MUC5AC: variants seen among roughly 807,000 people sequenced by gnomAD.
MUC5AC encodes mucin-5AC.
In MUC5AC, 158 loss-of-function variants were observed where a neutral mutation model predicts 169.7. The ratio of observed to expected loss-of-function variants is 0.93; its 90% CI spans 0.82 to 1.06. MUC5AC has a LOEUF of 1.06. Among genes scored for constraint, MUC5AC ranks in the 50% least tolerant of loss-of-function variants. The pLI is 0.00. For synonymous variants in MUC5AC, 1,975 were observed against 1,237.0 expected, an observed-to-expected ratio of 1.60 and a Z score of -12.52; for missense variants, 4,359 against 3,089.9, an observed-to-expected ratio of 1.41 and a Z score of -9.74.
intron 24 of MUC5AC, among the ~76,000 whole-genome samples, chr11:1,177,941 T>A (rs1860726486): frequency 6.6e-6 from 1 of 152,208 alleles, no homozygotes. Flanking sequence ...GGGGGGCTCC[T>A]TTTGGCCCCT....
At chr11:1,168,620 C>T (rs1224972771) in intron 13 of MUC5AC, 22 bp from the exon 14 acceptor site, 2 of 1,610,952 alleles carry the variant, frequency 1.2e-6, no homozygotes, top group African/African-American at 2.7e-5. Flanking sequence ...CCCAGCAAAA[C>T]CCTTGTCCTT....
At chr11:1,192,751 AC>A (rs1349367581) in intron 31 of MUC5AC, 31 bp from the exon 32 acceptor site, 1 of 740,598 alleles carries the variant, frequency 1.4e-6, no homozygotes, top group Non-Finnish European at 2.5e-6. Flanking sequence ...GCAGGACTCC[AC>A]TAAAGGCTGC....
chr11:1,185,675 T>C lies in MUC5AC; in HGVS notation c.7530T>C (p.Ser2510=). The change falls in exon 31 of 49, where the codon TCT becomes TCC. Residue 2510 remains serine (S), a synonymous_variant. Coordinates refer to ENST00000621226, the MANE Select transcript of MUC5AC (RefSeq NM_001304359.2). ...CTTCTCCTACAACCAGCACAACCTC[T>C]GCTCCTACAACCAGCACAACCTCTG... ...TTSSPTTSTT[S]APTTSTTSAS... The C allele has an allele frequency of 1.3e-6, 1 of 741,130 alleles. No individual in the cohort carries two copies. The highest frequency in any genetic ancestry group is 2.5e-6 in the Non-Finnish European group (1 of 406,104). 45.9% of individuals were successfully genotyped at this position (741,130 alleles called of 1,614,324 possible).
chr11:1,170,270 C>T (rs1373425388), intron 15 of MUC5AC, among the ~76,000 whole-genome samples: 1 of 125,740 alleles, frequency 8.0e-6, no homozygotes, highest in African/African-American at 3.1e-5. Flanking sequence ...CACTCACCCA[C>T]TCACCCACTC....
chr11:1,171,948 C>A (rs1303290612), intron 15 of MUC5AC, among the ~76,000 whole-genome samples: 1 of 116,026 alleles, frequency 8.6e-6, no homozygotes, highest in Non-Finnish European at 2.1e-5. Context: ...CTCATTCACT[C>A]ACTCACTCAC....
At position 1,194,660 on chromosome 11, in the gene MUC5AC, G is replaced by A. The variant is rs745597325; in HGVS notation, c.15180G>A (p.Glu5060=). ...TCAGCAAGTTTGCCAACAACACCGA[G>A]GGCCAGTGCGGTGAGGCCACAGGGC... ...VPFSKFANNT[E]GQCGTCTNDR... is the part of the protein sequence containing the mutation. The change falls in exon 35 of 49, where the codon GAG becomes GAA. Residue 5060 remains glutamate (E), a synonymous_variant. Coordinates refer to ENST00000621226, the MANE Select transcript of MUC5AC (RefSeq NM_001304359.2). 13 of 759,230 alleles carry A rather than the reference G, an allele frequency of 1.7e-5. No homozygotes were observed. The African/African-American group carries it at 1.9e-4, about 11-fold the overall frequency. The allele number at this position is 759,230 out of a possible 1,614,324, so 47.0% of individuals were successfully genotyped here. A position where few individuals can be genotyped will look rare whatever the true frequency, so the allele number is the denominator to read the frequency against.
At chr11:1,170,332 C>G (rs1327153511) in intron 15 of MUC5AC, among the ~76,000 whole-genome samples, 1 of 144,020 alleles carries the variant, frequency 6.9e-6, no homozygotes, top group Admixed American at 6.8e-5. Context: ...ACTGACTCAA[C>G]CATTCACTCA....
chr11:1,190,002 T>C lies in MUC5AC; in HGVS notation c.11857T>C (p.Cys3953Arg), dbSNP rs1861049583. 2.6e-6 allele frequency: 2 copies of C among 765,164 alleles called. No homozygotes were observed. The highest frequency in any genetic ancestry group is 2.4e-6 in the Non-Finnish European group (1 of 417,896). The allele number at this position is 765,164 out of a possible 1,614,324, so 47.4% of individuals were successfully genotyped here. A position where few individuals can be genotyped will look rare whatever the true frequency, so the allele number is the denominator to read the frequency against. ...TTHSQPVTRD[C>R]HPRCTWTKWF... ...CCACTCCCAACCAGTCACCAGAGAC[T>C]GTCATCCCCGGTGCACCTGGACCAA... The change falls in exon 31 of 49, where the codon TGT becomes CGT. Residue 3953 changes from cysteine to arginine, a missense_variant. Transcript: ENST00000621226.
chr11:1,158,185 G>C, intron 1 of MUC5AC, 113 bp downstream of exon 1: 1 of 951,350 alleles, frequency 1.1e-6, no homozygotes. Flanking sequence ...TGCCATGAAC[G>C]GCTCCCAGCA....
chr11:1,186,037 G>A lies in MUC5AC; in HGVS notation c.7892G>A (p.Gly2631Asp). 3 of 711,146 alleles carry A rather than the reference G, an allele frequency of 4.2e-6. No homozygotes were observed. The highest frequency in any genetic ancestry group is 1.4e-5 in the South Asian group (1 of 69,628). The allele number at this position is 711,146 out of a possible 1,614,324, so 44.1% of individuals were successfully genotyped here. A position where few individuals can be genotyped will look rare whatever the true frequency, so the allele number is the denominator to read the frequency against. ...GCCACTACAACCAGCAGAATCTCTG[G>A]TCCTGAAACTACTCCCAGCCCTGTT... The part of the protein sequence containing the change: ...TSATTTSRIS[G>D]PETTPSPVPT... The change falls in exon 31 of 49, where the codon GGT (glycine) becomes GAT (aspartate). Residue 2631 changes from glycine (G) to aspartate (D), a missense_variant. By Grantham distance (94) the Gly-to-Asp change is moderately conservative (BLOSUM62 -1). Transcript: ENST00000621226.
Position 1,199,069 on chromosome 11 carries a change from T to C in MUC5AC, c.16297-18T>C, listed in dbSNP as rs374780044. 5 of 763,782 alleles carry C rather than the reference T, an allele frequency of 6.5e-6. No individual in the cohort carries two copies. The African/African-American group carries it at 6.8e-5, about 10-fold the overall frequency. The allele number at this position is 763,782 out of a possible 1,614,324, so 47.3% of individuals were successfully genotyped here. On this transcript the variant is annotated intron_variant, in intron 44 of 48. Transcript: ENST00000621226. ...AGCGGTCGCCTGGATTCCAGCCACA[T>C]GTCCATCCCTCCCGCAGGGCTTCGA...
intron 2 of MUC5AC, among the ~76,000 whole-genome samples, chr11:1,161,001 C>G (rs1043713219): frequency 6.6e-6 from 1 of 151,328 alleles, no homozygotes; most frequent in Non-Finnish European, 1.5e-5. Flanking sequence ...GCCTTGGTGT[C>G]CCCCCCGTTC....
Position 1,174,604 on chromosome 11 carries a change from TG to T in MUC5AC, c.2076del (p.Trp692Ter), listed in dbSNP as rs1332782284. 1 of 1,347,644 alleles carries T rather than the reference TG, an allele frequency of 7.4e-7. No individual in the cohort carries two copies. The highest frequency in any genetic ancestry group is 1.0e-6 in the Non-Finnish European group (1 of 976,382). The allele number at this position is 1,347,644 out of a possible 1,614,324, so 83.5% of individuals were successfully genotyped here. ...CGCCAAGGGCGTGCAGCTCGGCGGC[TG>T]GAGGGACGGCGTCTGCAGTGAGTGC... ...CAAKGVQLGG[W>X]RDGVCTKPMT... is the part of the protein sequence containing the mutation. On this transcript the variant is annotated frameshift_variant, in exon 17 of 49. Coordinates refer to ENST00000621226, the MANE Select transcript of MUC5AC (RefSeq NM_001304359.2). LOFTEE classifies it high-confidence loss of function.
At position 1,188,591 on chromosome 11, in the gene MUC5AC, T is replaced by C; in HGVS notation, c.10446T>C (p.Ser3482=). The change falls in exon 31 of 49, where the codon TCT becomes TCC. Residue 3482 remains serine, a synonymous_variant. Coordinates refer to ENST00000621226, the MANE Select transcript of MUC5AC (RefSeq NM_001304359.2). ...CTACAAGCAGCACAACCTCCGGTTC[T>C]GGAACTACTCCCAGCCCTGTTACCA... is the stretch of plus-strand genomic sequence containing the variant. ...SAATSSTTSG[S]GTTPSPVTTT... is the part of the protein sequence containing the mutation. 1.3e-6 allele frequency: 1 copy of C among 764,848 alleles called. No individual in the cohort carries two copies. The highest frequency in any genetic ancestry group is 1.3e-5 in the South Asian group (1 of 74,540). 47.4% of individuals were successfully genotyped at this position (764,848 alleles called of 1,614,324 possible).
intron 36 of MUC5AC, 121 bp downstream of exon 36, chr11:1,195,400 G>A: frequency 2.2e-6 from 1 of 459,736 alleles, no homozygotes; most frequent in Non-Finnish European, 4.3e-6. Flanking sequence ...AGAGCTGCTG[G>A]TACCACAGAC....
Position 1,190,914 on chromosome 11 carries a change from C to T in MUC5AC, c.12769C>T (p.Pro4257Ser), listed in dbSNP as rs1861075374. ...TSTTSGPGTT[P>S]SPVPSTSTTS... ...CACAACCTCTGGTCCTGGAACTACT[C>T]CAAGCCCTGTTCCCAGCACCAGTAC... Residue 4257 changes from proline to serine, a missense_variant, in exon 31 of 49, where the codon CCA becomes TCA. Physicochemically the swap from Pro to Ser is moderately conservative, Grantham distance 74. Coordinates refer to ENST00000621226, the MANE Select transcript of MUC5AC (RefSeq NM_001304359.2). The T allele has an allele frequency of 1.4e-6, 1 of 735,496 alleles. No individual in the cohort carries two copies. 45.6% of individuals were successfully genotyped at this position (735,496 alleles called of 1,614,324 possible). A position where few individuals can be genotyped will look rare whatever the true frequency, so the allele number is the denominator to read the frequency against.
rs1401875312 is a variant in MUC5AC, at chr11:1,196,717, C to T, written c.15826C>T (p.Pro5276Ser). 1.3e-6 allele frequency: 1 copy of T among 755,512 alleles called. No homozygotes were observed. Among genetic ancestry groups the T allele is most frequent in the Non-Finnish European group, 2.4e-6 (1 of 413,798 alleles). 46.8% of individuals were successfully genotyped at this position (755,512 alleles called of 1,614,324 possible). Residue 5276 changes from proline to serine, a missense_variant, in exon 39 of 49, where the codon CCC becomes TCC. Transcript: ENST00000621226. ...CCAAGTCTGCGTGCCCACGGGCTGC[C>T]CCAGTACGTGCCCCAGGCCGGGGCT... ...SAQVCVPTGC[P>S]RCLGPHGEPV...
At chr11:1,194,438 G>T in intron 34 of MUC5AC, 49 bp from the exon 35 acceptor site, 2 of 714,510 alleles carry the variant, frequency 2.8e-6, no homozygotes, top group Admixed American at 1.9e-5. Context: ...GCGGCTGACC[G>T]CCCGCCCGCC....
At chr11:1,164,615 G>A (rs55783658) in intron 9 of MUC5AC, 83 bp downstream of exon 9, 1,227 of 1,489,426 alleles carry the variant, frequency 8.2e-4, no homozygotes, top group Non-Finnish European at 9.8e-4. Context: ...CTCGGAAGAA[G>A]GACCCCAGTC....
Sources: allele counts gnomAD v4.1 joint callset (sites outside exome capture counted in the v4.1 genomes callset), GRCh38; gene constraint gnomAD v4.1.1; transcripts MANE v1.5; gene names NCBI Gene and HGNC (gene_info 2026-07-23, HGNC 2026-07-21).